Variants in TPM3 observed in about 807,000 individuals in gnomAD.
TPM3 encodes tropomyosin 3, also known as tropomyosin alpha-3 chain.
Under a neutral mutation model 43.1 loss-of-function variants are expected in TPM3, and 16 were observed. The ratio of observed to expected loss-of-function variants is 0.37; its 90% CI spans 0.25 to 0.56. The LOEUF is 0.56. TPM3 is among the 20% of genes least tolerant of loss of function. The probability of loss-of-function intolerance (pLI) is 0.77; values close to 1 mark genes in which losing one functional copy is unlikely to be tolerated. For missense variants in TPM3, 176 were observed against 337.2 expected, an observed-to-expected ratio of 0.52 and a Z score of 3.74; for synonymous variants, 101 against 116.9, an observed-to-expected ratio of 0.86 and a Z score of 0.88.
In TPM3 at chr1:154,167,740, C is replaced by A; in HGVS notation, c.*197G>T. On this transcript the variant is annotated 3_prime_UTR_variant, in exon 10 of 10. Transcript: ENST00000651641. ...TGTCAATGACACAAATGCAGGGTGG[C>A]ATGAGGTTTCCAGCAGCTTAACATT... 1 of 1,451,754 alleles carries A rather than the reference C, an allele frequency of 6.9e-7. No individual in the cohort carries two copies. The allele number at this position is 1,451,754 out of a possible 1,614,324, so 89.9% of individuals were successfully genotyped here. A position where few individuals can be genotyped will look rare whatever the true frequency, so the allele number is the denominator to read the frequency against.
chr1:154,157,731 G>T, downstream of TPM3: 1 of 780,794 alleles, frequency 1.3e-6, no homozygotes, highest in East Asian at 2.4e-5. Flanking sequence ...TCTAATGGGG[G>T]TAAAGGAGAG....
At position 154,167,194 on chromosome 1, in the gene TPM3, G is replaced by T; in HGVS notation, c.*743C>A. On this transcript the variant is annotated 3_prime_UTR_variant, in exon 10 of 10. Coordinates refer to ENST00000651641, the MANE Select transcript of TPM3 (RefSeq NM_152263.4). ...CACACTAGCAGGCAAATGGTAGCAA[G>T]TCTCAAATATGTAAGAAAGGTTTAA... 1 of 608,554 alleles carries T rather than the reference G, an allele frequency of 1.6e-6. No homozygotes were observed. The highest frequency in any genetic ancestry group is 2.1e-6 in the Non-Finnish European group (1 of 486,162). The allele number at this position is 608,554 out of a possible 1,614,324, so 37.7% of individuals were successfully genotyped here.
chr1:154,171,317 C>G, intron 6 of TPM3, 96 bp downstream of exon 6: 1 of 1,342,130 alleles, frequency 7.5e-7, no homozygotes. Flanking sequence ...ACACGCCTCA[C>G]TGGATTATAT....
In TPM3 at chr1:154,167,611, A is replaced by T; in HGVS notation, c.*326T>A. The T allele has an allele frequency of 8.2e-7, 1 of 1,225,858 alleles. No homozygotes were observed. Among genetic ancestry groups the T allele is most frequent in the Non-Finnish European group, 1.0e-6 (1 of 973,268 alleles). The allele number at this position is 1,225,858 out of a possible 1,614,324, so 75.9% of individuals were successfully genotyped here. On this transcript the variant is annotated 3_prime_UTR_variant, in exon 10 of 10. Transcript: ENST00000651641. ...TTAAATGTCAAGAAAAAATAGACAC[A>T]CACAAAAGTGGCTTTGATTACATAA...
At position 154,165,675 on chromosome 1, in the gene TPM3, G is replaced by C. The variant is rs1436642396; in HGVS notation, c.*2262C>G. 6.6e-6 allele frequency among the ~76,000 whole-genome samples: 1 copy of C among 151,170 alleles called. No homozygotes were observed. The highest frequency in any genetic ancestry group is 1.5e-5 in the Non-Finnish European group (1 of 67,888). ...GTGGTGGCAGGCGCCTGTGATCTCA[G>C]CTACTCGGGAGGCTGAGGTGGGAGA... On this transcript the variant is annotated 3_prime_UTR_variant, in exon 10 of 10. Transcript: ENST00000651641.
chr1:154,171,664 A>T lies in TPM3; in HGVS notation c.567-176T>A, dbSNP rs993308745. 15 of 731,014 alleles carry T rather than the reference A, an allele frequency of 2.1e-5. No homozygotes were observed. In the Admixed American group the frequency reaches 3.2e-4, roughly 16 times the overall value. The allele number at this position is 731,014 out of a possible 1,614,324, so 45.3% of individuals were successfully genotyped here. On this transcript the variant is annotated intron_variant, in intron 5 of 9. Coordinates refer to ENST00000651641, the MANE Select transcript of TPM3 (RefSeq NM_152263.4). ...GCATCAACCCTCCTCCCTCTACCATAGAACGTGTCAGGAGCTAGACCTTCC... is the reference window on the plus strand; with the variant it reads ...GCATCAACCCTCCTCCCTCTACCATTGAACGTGTCAGGAGCTAGACCTTCC...
chr1:154,172,387 T>C, intron 5 of TPM3: 2 of 630,098 alleles, frequency 3.2e-6, no homozygotes, highest in South Asian at 1.5e-5. Flanking sequence ...CCCTAGCAGA[T>C]TGGCAAAGTG....
intron 2 of TPM3, among the ~76,000 whole-genome samples, chr1:154,177,712 A>G (rs756205138): frequency 4.6e-5 from 7 of 152,146 alleles, no homozygotes; most frequent in African/African-American, 7.2e-5. Flanking sequence ...GAGTTGGTGC[A>G]GCTATAGAAA....
chr1:154,171,084 C>T (rs761408584), intron 6 of TPM3: 1 of 550,160 alleles, frequency 1.8e-6, no homozygotes, highest in Non-Finnish European at 3.3e-6. Context: ...GTCTTGATTG[C>T]TCATTAGGTC....
At position 154,163,007 on chromosome 1, in the gene TPM3, C is replaced by T. The variant is rs995544936; in HGVS notation, c.*4930G>A. ...TGTATTTTTAGTAGAGACAGGTTTT[C>T]ACCACGTTGGCCAGGATGGTCTTGA... On this transcript the variant is annotated 3_prime_UTR_variant, in exon 10 of 10. Coordinates refer to ENST00000651641, the MANE Select transcript of TPM3 (RefSeq NM_152263.4). Among the ~76,000 whole-genome samples, 6 of 152,088 alleles carry T rather than the reference C, an allele frequency of 3.9e-5. No homozygotes were observed. Among genetic ancestry groups the T allele is most frequent in the Non-Finnish European group, 8.8e-5 (6 of 68,018 alleles).
chr1:154,181,524 C>T (rs906614169), intron 2 of TPM3, among the ~76,000 whole-genome samples: 2 of 152,306 alleles, frequency 1.3e-5, no homozygotes, highest in East Asian at 1.9e-4. Context: ...AGCCTCAACT[C>T]GTATCAGCTC....
intron 8 of TPM3, chr1:154,170,178 A>G (rs1661412354): frequency 3.6e-6 from 2 of 561,944 alleles, no homozygotes; most frequent in Non-Finnish European, 6.4e-6. Flanking sequence ...TACAAATTGC[A>G]GACTATTTGG....
intron 3 of TPM3, among the ~76,000 whole-genome samples, chr1:154,174,407 T>TACACACACAC (rs1553249401): frequency 6.5e-4 from 47 of 72,688 alleles, no homozygotes; most frequent in East Asian, 4.6e-3. Context: ...TATATATATA[T>TACACACACAC]ACACACAAAA....
At chr1:154,191,869 TAGC>T (rs766393124) in intron 1 of TPM3, 30 bp downstream of exon 1, 194 of 1,603,398 alleles carry the variant, frequency 1.2e-4, no homozygotes, top group Non-Finnish European at 1.6e-4. Flanking sequence ...TCTTGTTCAC[TAGC>T]AGATGAGAGA....
chr1:154,156,681 T>TA (rs1200426936), downstream of TPM3: 7 of 194,848 alleles, frequency 3.6e-5, no homozygotes, highest in Admixed American at 1.2e-4. Flanking sequence ...ATATAAAATT[T>TA]AAAAAGTTTT....
At chr1:154,177,837 G>A (rs1330688174) in intron 2 of TPM3, among the ~76,000 whole-genome samples, 1 of 152,194 alleles carries the variant, frequency 6.6e-6, no homozygotes, top group African/African-American at 2.4e-5. Context: ...AAGAGACTAG[G>A]AAGGGAAGCA....
chr1:154,174,407 T>TATATATATATATATATATACAC (rs1261318136), intron 3 of TPM3, among the ~76,000 whole-genome samples: 2 of 72,676 alleles, frequency 2.8e-5, no homozygotes, highest in Non-Finnish European at 5.1e-5. Context: ...TATATATATA[T>TATATATATATATATATATACAC]ACACACAAAA....
At position 154,167,940 on chromosome 1, in the gene TPM3, T is replaced by G; in HGVS notation, c.855A>C (p.Ile285=). 6.2e-7 allele frequency: 1 copy of G among 1,613,786 alleles called. No individual in the cohort carries two copies. The highest frequency in any genetic ancestry group is 1.1e-5 in the South Asian group (1 of 91,076). The change falls in exon 10 of 10, where the codon ATA becomes ATC. Residue 285 remains isoleucine (I), a splice_region_variant and synonymous_variant. Coordinates refer to ENST00000651641, the MANE Select transcript of TPM3 (RefSeq NM_152263.4). ...LDHALNDMTS[I] ...AACAGAGCAGAAACGGTGATAATTA[T>G]CTGTATGAAAAAGTAAGGATACTCT...
chr1:154,174,574 A>C, intron 3 of TPM3, among the ~76,000 whole-genome samples: 1 of 145,852 alleles, frequency 6.9e-6, no homozygotes, highest in Non-Finnish European at 1.5e-5. Flanking sequence ...GGCTCACTGC[A>C]ACCTCCGCCT....
Sources: gnomAD v4.1 joint callset for allele counts (sites outside exome capture counted in the v4.1 genomes callset) on GRCh38, gnomAD v4.1.1 for gene constraint, MANE v1.5 for transcripts, NCBI Gene and HGNC (gene_info 2026-07-23, HGNC 2026-07-21) for gene names.